EPHA2: variants seen among roughly 807,000 people sequenced by gnomAD.
The protein encoded by EPHA2 is EPH receptor A2.
EPHA2 carries 54 observed loss-of-function variants against 104.9 expected under a neutral mutation model. The ratio of observed to expected loss-of-function variants is 0.51; its 90% CI spans 0.41 to 0.65. EPHA2 has a LOEUF of 0.65. EPHA2 is among the 30% of genes least tolerant of loss of function. The pLI is 0.00. For missense variants in EPHA2, 1,117 were observed against 1,369.5 expected, an observed-to-expected ratio of 0.82 and a Z score of 2.91; for synonymous variants, 560 against 559.1, an observed-to-expected ratio of 1.00 and a Z score of -0.02.
chr1:16,127,614 T>C (rs2024493790), intron 16 of EPHA2, among the ~76,000 whole-genome samples: 1 of 152,176 alleles, frequency 6.6e-6, no homozygotes, highest in Non-Finnish European at 1.5e-5. Flanking sequence ...TTGGGACCCA[T>C]GGCGTGTGTA....
chr1:16,149,356 A>G (rs1415647633), intron 2 of EPHA2, among the ~76,000 whole-genome samples: 5 of 152,186 alleles, frequency 3.3e-5, no homozygotes, highest in Non-Finnish European at 5.9e-5. Flanking sequence ...CCTCATCTGT[A>G]CAATGGGAGC....
chr1:16,134,542 C>T lies in EPHA2; in HGVS notation c.1608G>A (p.Ala536=), dbSNP rs777962415. 55 of 1,614,024 alleles carry T rather than the reference C, an allele frequency of 3.4e-5. No individual in the cohort carries two copies. The East Asian group carries it at 5.8e-4, about 17-fold the overall frequency. ...TLSPEGSGNL[A]VIGGVAVGVV... is the part of the protein sequence containing the mutation. ...CACCGACAGCCACGCCGCCAATCAC[C>T]GCCAAGTTGCCAGATCCCTCCGGGG... The change falls in exon 8 of 17, where the codon GCG becomes GCA. Residue 536 remains alanine, a synonymous_variant. Transcript: ENST00000358432. The surrounding 1 kb of genome is among the most constrained non-coding windows in gnomAD (Gnocchi z 4.5).
rs372094298 is a variant in EPHA2, at chr1:16,138,292, G to A, written c.962C>T (p.Ala321Val). Residue 321 changes from alanine (A) to valine (V), a missense_variant, in exon 4 of 17, where the codon GCG becomes GTG. By Grantham distance (64) the Ala-to-Val change is moderately conservative (BLOSUM62 0). This residue lies in a region of EPHA2 where 664 missense variants were observed against 784.8 expected (regional missense o/e 0.85). Transcript: ENST00000358432. ...AGACTCACGTGTGCAAGGCATCGAC[G>A]CTGGGTCCTGAGGTGCCCGGAAGAA... Reference protein sequence around the residue: ...EGFFRAPQDPASMPCTRPPSA... With the variant: ...EGFFRAPQDPVSMPCTRPPSA... The A allele has an allele frequency of 1.9e-5, 31 of 1,613,370 alleles. No individual in the cohort carries two copies. The East Asian group carries it at 2.7e-4, about 14-fold the overall frequency.
At chr1:16,127,341 G>A (rs1009110351) in intron 16 of EPHA2, among the ~76,000 whole-genome samples, 1 of 152,118 alleles carries the variant, frequency 6.6e-6, no homozygotes, top group African/African-American at 2.4e-5. Context: ...TATTTTTCTG[G>A]GGTGCAACAT....
Position 16,135,014 on chromosome 1 carries a change from T to C in EPHA2, c.1582+22A>G, listed in dbSNP as rs374666874. 24 of 1,610,366 alleles carry C rather than the reference T, an allele frequency of 1.5e-5. No homozygotes were observed. In the African/African-American group the frequency reaches 1.7e-4, roughly 12 times the overall value. On this transcript the variant is annotated intron_variant, in intron 7 of 16. Transcript: ENST00000358432. This position sits in a 1 kb window ranked among gnomAD's most constrained non-coding sequence, Gnocchi z 4.3. ...TGGTTCTGGGCCCTGGCCTGGTCCA[T>C]GCCCAGGGTCCCCCAACTCACACAG...
At chr1:16,144,445 G>A (rs1024546243) in intron 3 of EPHA2, among the ~76,000 whole-genome samples, 1 of 152,200 alleles carries the variant, frequency 6.6e-6, no homozygotes, top group African/African-American at 2.4e-5. Flanking sequence ...AGCAGCCCCT[G>A]CCATGGCCCG....
In EPHA2 at chr1:16,156,031, T is replaced by C. The variant is rs2124284124; in HGVS notation, c.-99A>G. The C allele has an allele frequency of 9.5e-7, 1 of 1,051,508 alleles. No homozygotes were observed. Among genetic ancestry groups the C allele is most frequent in the Admixed American group, 3.9e-5 (1 of 25,852 alleles). The allele number at this position is 1,051,508 out of a possible 1,614,324, so 65.1% of individuals were successfully genotyped here. A position where few individuals can be genotyped will look rare whatever the true frequency, so the allele number is the denominator to read the frequency against. On this transcript the variant is annotated 5_prime_UTR_variant, in exon 1 of 17. Coordinates refer to ENST00000358432, the MANE Select transcript of EPHA2 (RefSeq NM_004431.5). ...CGGTGTCCGCTCCCGCCCGCCGGCC[T>C]GCGCGCAACTTCTGCCCCTCCTGCC... is the stretch of plus-strand genomic sequence containing the variant.
intron 4 of EPHA2, 28 bp from the exon 5 acceptor site, chr1:16,138,213 T>G (rs1557508910): frequency 6.2e-7 from 1 of 1,611,724 alleles, no homozygotes; most frequent in Non-Finnish European, 8.5e-7. Flanking sequence ...GTCAGTGCTG[T>G]GCTGGACCCA....
chr1:16,155,971 G>C lies in EPHA2; in HGVS notation c.-39C>G. On this transcript the variant is annotated 5_prime_UTR_variant, in exon 1 of 17. Coordinates refer to ENST00000358432, the MANE Select transcript of EPHA2 (RefSeq NM_004431.5). ...CTCTCGGTCCGATCCCCCCGAGCCCGGCTCCCGCACACCCGCACGCCTGCA... is the reference window on the plus strand; with the variant it reads ...CTCTCGGTCCGATCCCCCCGAGCCCCGCTCCCGCACACCCGCACGCCTGCA... 6.8e-7 allele frequency: 1 copy of C among 1,462,532 alleles called. No homozygotes were observed. The highest frequency in any genetic ancestry group is 9.0e-7 in the Non-Finnish European group (1 of 1,111,518). The allele number at this position is 1,462,532 out of a possible 1,614,324, so 90.6% of individuals were successfully genotyped here. A position where few individuals can be genotyped will look rare whatever the true frequency, so the allele number is the denominator to read the frequency against.
rs904220910 is a variant in EPHA2, at chr1:16,148,117, C to G, written c.823+261G>C. ...TCTCAAACTCCTGGGCTCAAGTGAT[C>G]CACCCACCTCAGCCTCCCAAAGTGC... On this transcript the variant is annotated intron_variant, in intron 3 of 16. Coordinates refer to ENST00000358432, the MANE Select transcript of EPHA2 (RefSeq NM_004431.5). This position sits in a 1 kb window ranked among gnomAD's most constrained non-coding sequence, Gnocchi z 4.9. Among the ~76,000 whole-genome samples, 3 of 152,096 alleles carry G rather than the reference C, an allele frequency of 2.0e-5. No individual in the cohort carries two copies. Among genetic ancestry groups the G allele is most frequent in the African/African-American group, 7.2e-5 (3 of 41,404 alleles).
rs185080896 is a variant in EPHA2, at chr1:16,141,664, A to G, written c.824-3234T>C. On this transcript the variant is annotated intron_variant, in intron 3 of 16. Coordinates refer to ENST00000358432, the MANE Select transcript of EPHA2 (RefSeq NM_004431.5). ...CCACTGGAGGCTTTAGCCACCTGCA[A>G]ACCCTCACAATGCCCCGACTCCCCA... 7.9e-5 allele frequency among the ~76,000 whole-genome samples: 12 copies of G among 152,360 alleles called. No individual in the cohort carries two copies. In the East Asian group the frequency reaches 2.1e-3, roughly 27 times the overall value.
In EPHA2 at chr1:16,148,487, C is replaced by G. The variant is rs36037949; in HGVS notation, c.714G>C (p.Pro238=). The G allele has an allele frequency of 8.3e-4, 1,342 of 1,613,852 alleles. 12 individuals carry two copies. In the South Asian group the frequency reaches 9.9e-3, roughly 12 times the overall value. ...AGTGCATACGGGGCTCTTCACCCCC[C>G]GGTGGCACCACGGCATGGTCCACAC... is the stretch of plus-strand genomic sequence containing the variant. ...GTCVDHAVVP[P]GGEEPRMHCA... is the part of the protein sequence containing the mutation. Residue 238 remains proline, a synonymous_variant, in exon 3 of 17, where the codon CCG becomes CCC. Transcript: ENST00000358432. The surrounding 1 kb of genome is among the most constrained non-coding windows in gnomAD (Gnocchi z 4.9).
At position 16,131,274 on chromosome 1, in the gene EPHA2, T is replaced by G. The variant is rs998398083; in HGVS notation, c.2475+447A>C. 6.6e-6 allele frequency among the ~76,000 whole-genome samples: 1 copy of G among 152,120 alleles called. No individual in the cohort carries two copies. Reference sequence around the variant, plus strand: ...ACCCAGCACAAGGCCTGGCACGCAGTAGATCCTCAAGAAATATTTACGGGG... The same window carrying G: ...ACCCAGCACAAGGCCTGGCACGCAGGAGATCCTCAAGAAATATTTACGGGG... On this transcript the variant is annotated intron_variant, in intron 14 of 16. Coordinates refer to ENST00000358432, the MANE Select transcript of EPHA2 (RefSeq NM_004431.5). This position sits in a 1 kb window ranked among gnomAD's most constrained non-coding sequence, Gnocchi z 5.2.
Position 16,150,153 on chromosome 1 carries a change from C to T in EPHA2, c.153+743G>A, listed in dbSNP as rs1471238126. Among the ~76,000 whole-genome samples the T allele has an allele frequency of 2.0e-5, 3 of 152,216 alleles. No individual in the cohort carries two copies. Among genetic ancestry groups the T allele is most frequent in the African/African-American group, 7.2e-5 (3 of 41,458 alleles). ...GGACAAGAACTCGACTCATGCAGAT[C>T]TGGCCAGCTCTGGGAACTATTCCAA... On this transcript the variant is annotated intron_variant, in intron 2 of 16. Coordinates refer to ENST00000358432, the MANE Select transcript of EPHA2 (RefSeq NM_004431.5). This position sits in a 1 kb window ranked among gnomAD's most constrained non-coding sequence, Gnocchi z 4.8.
rs2025022987 is a variant in EPHA2 at position 16,150,920 on chromosome 1, C to G, written c.129G>C (p.Trp43Cys). The G allele has an allele frequency of 1.2e-6, 2 of 1,614,022 alleles. No individual in the cohort carries two copies. The highest frequency in any genetic ancestry group is 1.7e-6 in the Non-Finnish European group (2 of 1,180,038). Residue 43 changes from tryptophan to cysteine, a missense_variant, in exon 2 of 17, where the codon TGG (tryptophan) becomes TGC (cysteine). Physicochemically the swap from Trp to Cys is radical, Grantham distance 215. Coordinates refer to ENST00000358432, the MANE Select transcript of EPHA2 (RefSeq NM_004431.5). The surrounding 1 kb of genome is among the most constrained non-coding windows in gnomAD (Gnocchi z 4.8). Reference protein sequence around the residue: ...DFAAAGGELGWLTHPYGKGWD... With the variant: ...DFAAAGGELGCLTHPYGKGWD... ...CCCCTTTGCCATACGGGTGTGTGAG[C>G]CAGCCGAGCTCCCCTCCAGCTGCAG...
rs1037265470 is a variant in EPHA2, at chr1:16,130,123, AC to A, written c.2669+102del. 1.6e-5 allele frequency: 24 copies of A among 1,501,720 alleles called. No homozygotes were observed. The highest frequency in any genetic ancestry group is 8.3e-5 in the African/African-American group (6 of 72,568). 93.0% of individuals were successfully genotyped at this position (1,501,720 alleles called of 1,614,324 possible). A position where few individuals can be genotyped will look rare whatever the true frequency, so the allele number is the denominator to read the frequency against. ...CACACATAACCTCTTAGCCCCCAGC[AC>A]CCCCCCTACCAGCTTCACCTGGGTG... On this transcript the variant is annotated intron_variant, in intron 15 of 16. Coordinates refer to ENST00000358432, the MANE Select transcript of EPHA2 (RefSeq NM_004431.5). The surrounding 1 kb of genome is among the most constrained non-coding windows in gnomAD (Gnocchi z 4.5).
At position 16,150,997 on chromosome 1, in the gene EPHA2, G is replaced by A. The variant is rs781219634; in HGVS notation, c.86-34C>T. On this transcript the variant is annotated intron_variant, in intron 1 of 16. Transcript: ENST00000358432. The surrounding 1 kb of genome is among the most constrained non-coding windows in gnomAD (Gnocchi z 4.8). ...GAGAAGGGAGAGGGGGTGAGCCTGG[G>A]GGTGTCTTCAGGAGTCAGACCATGG... is the stretch of plus-strand genomic sequence containing the variant. The A allele has an allele frequency of 5.0e-6, 8 of 1,610,602 alleles. No individual in the cohort carries two copies. The South Asian group carries it at 8.8e-5, about 18-fold the overall frequency.
chr1:16,133,533 G>A lies in EPHA2; in HGVS notation c.1812C>T (p.Phe604=). ...CACAGGATGGATGGATCTCGGTAGTGAACTTCAACACAGCCTGGTTGGGGT... is the reference window on the plus strand; with the variant it reads ...CACAGGATGGATGGATCTCGGTAGTAAACTTCAACACAGCCTGGTTGGGGT... The part of the protein sequence containing the change: ...YEDPNQAVLK[F]TTEIHPSCVT... Residue 604 remains phenylalanine, a synonymous_variant, in exon 10 of 17, where the codon TTC becomes TTT. Transcript: ENST00000358432. 6.2e-7 allele frequency: 1 copy of A among 1,614,086 alleles called. No homozygotes were observed. Among genetic ancestry groups the A allele is most frequent in the Non-Finnish European group, 8.5e-7 (1 of 1,179,974 alleles).
rs183004976 is a variant in EPHA2 at position 16,153,268 on chromosome 1, G to A, written c.86-2305C>T. The A allele has an allele frequency of 2.9e-4, 289 of 985,330 alleles. No homozygotes were observed. In the African/African-American group the frequency reaches 4.1e-3, roughly 14 times the overall value. 61.0% of individuals were successfully genotyped at this position (985,330 alleles called of 1,614,324 possible). A position where few individuals can be genotyped will look rare whatever the true frequency, so the allele number is the denominator to read the frequency against. On this transcript the variant is annotated intron_variant, in intron 1 of 16. Coordinates refer to ENST00000358432, the MANE Select transcript of EPHA2 (RefSeq NM_004431.5). ...CACTCCCGGTCTCCGGTCCTTCTCC[G>A]CAGCCTCCGAGGCTGTGGTTCCCTC...
Sources: gnomAD v4.1 joint callset for allele counts (sites outside exome capture counted in the v4.1 genomes callset) on GRCh38, gnomAD v4.1.1 for gene constraint, gnomAD v4.1.1 regional missense constraint, Gnocchi (gnomAD v3.1) non-coding constraint, MANE v1.5 for transcripts, NCBI Gene and HGNC (gene_info 2026-07-23, HGNC 2026-07-21) for gene names.